Variants in MCF2L2 observed in about 807,000 individuals in gnomAD.
MCF2L2 encodes MCF.2 cell line derived transforming sequence-like 2, also known as probable guanine nucleotide exchange factor MCF2L2.
In MCF2L2, 102 loss-of-function variants were observed where a neutral mutation model predicts 150.2. The ratio of observed to expected loss-of-function variants is 0.68; its 90% CI spans 0.58 to 0.80. MCF2L2 has a LOEUF of 0.80. Among genes scored for constraint, MCF2L2 ranks in the 30% least tolerant of loss-of-function variants. The probability of loss-of-function intolerance (pLI) is 0.00; values close to 1 mark genes in which losing one functional copy is unlikely to be tolerated. For missense variants in MCF2L2, 1,256 were observed against 1,372.8 expected (o/e 0.91, Z 1.34); for synonymous variants, 465 against 491.3 (o/e 0.95, Z 0.71).
chr3:183,319,407 T>A (rs1008930816), intron 6 of MCF2L2, among the ~76,000 whole-genome samples: 1 of 152,230 alleles, frequency 6.6e-6, no homozygotes, highest in Non-Finnish European at 1.5e-5. Context: ...GGAATCAGCT[T>A]CTCTCAAACT....
intron 11 of MCF2L2, chr3:183,298,765 G>GTGCGCGCGCGTGCGCGCGCGCACACACA (rs1553776981): frequency 7.2e-6 from 1 of 138,500 alleles, no homozygotes; most frequent in African/African-American, 2.9e-5. Context: ...AAACACACAT[G>GTGCGCGCGCGTGCGCGCGCGCACACACA]CACACACACA....
At chr3:183,363,797 C>A (rs139889776) in intron 3 of MCF2L2, among the ~76,000 whole-genome samples, 2 of 149,766 alleles carry the variant, frequency 1.3e-5, no homozygotes, top group African/African-American at 4.9e-5. Context: ...AGCAAAGAGA[C>A]AATATATCAG....
intron 2 of MCF2L2, 44 bp downstream of exon 2, chr3:183,389,652 C>A (rs1207974461): frequency 2.7e-6 from 4 of 1,497,850 alleles, no homozygotes; most frequent in African/African-American, 1.5e-5. Flanking sequence ...CCCATCAAGA[C>A]CCCCCCATCA....
At chr3:183,297,543 G>GTCTA (rs1468865930) in intron 11 of MCF2L2, 2 of 177,758 alleles carry the variant, frequency 1.1e-5, no homozygotes, top group Non-Finnish European at 2.4e-5. Context: ...GCCTGGAGAG[G>GTCTA]TCTACCCCAG....
At chr3:183,427,832 C>T in intron 1 of MCF2L2, 70 bp downstream of exon 1, 2 of 1,348,466 alleles carry the variant, frequency 1.5e-6, no homozygotes, top group Non-Finnish European at 2.1e-6. Flanking sequence ...AGGCCAGGAG[C>T]CAGATGAAGC....
At chr3:183,351,340 T>A (rs935626548) in intron 3 of MCF2L2, among the ~76,000 whole-genome samples, 10 of 150,722 alleles carry the variant, frequency 6.6e-5, no homozygotes, top group Non-Finnish European at 1.5e-4. Flanking sequence ...CATATCACTG[T>A]GCCAGGCTAG....
intron 10 of MCF2L2, among the ~76,000 whole-genome samples, chr3:183,309,458 G>T (rs965911441): frequency 6.6e-6 from 1 of 152,108 alleles, no homozygotes; most frequent in African/African-American, 2.4e-5. Flanking sequence ...AGAGGGCAGG[G>T]CTGGTCCAGA....
In MCF2L2 at chr3:183,323,624, A is replaced by C. The variant is rs73070009; in HGVS notation, c.487-273T>G. Among the ~76,000 whole-genome samples, 1 of 150,848 alleles carries C rather than the reference A, an allele frequency of 6.6e-6. No individual in the cohort carries two copies. The highest frequency in any genetic ancestry group is 2.4e-5 in the African/African-American group (1 of 40,996). On this transcript the variant is annotated intron_variant, in intron 5 of 29. Transcript: ENST00000328913. The stretch of plus-strand genomic sequence containing the variant: ...CAGAGCAACATAGCAAGACCCCATC[A>C]CTAGAAAAAAAATAAAAAAAAAAAT...
chr3:183,330,592 CCACGCATTTGT>C (rs1222876786), intron 5 of MCF2L2, among the ~76,000 whole-genome samples: 1 of 152,074 alleles, frequency 6.6e-6, no homozygotes, highest in Non-Finnish European at 1.5e-5. Context: ...CTGGATAACA[CCACGCATTTGT>C]CAAACTTCAT....
intron 27 of MCF2L2, 87 bp from the exon 28 acceptor site, chr3:183,180,246 G>T (rs1391329972): frequency 2.4e-6 from 2 of 833,150 alleles, no homozygotes; most frequent in Non-Finnish European, 4.1e-6. Flanking sequence ...GGCAGTGCCT[G>T]TTGCAGGCAC....
intron 2 of MCF2L2, among the ~76,000 whole-genome samples, chr3:183,387,850 C>T (rs6808726): frequency 0.79 from 119,401 of 150,638 alleles, 49,624 homozygotes; most frequent in Non-Finnish European, 0.91. Context: ...GATAATCACT[C>T]GAACCTGGGA....
chr3:183,312,030 A>G (rs1160667855), intron 7 of MCF2L2, among the ~76,000 whole-genome samples: 5 of 152,352 alleles, frequency 3.3e-5, no homozygotes, highest in Middle Eastern at 3.4e-3. Context: ...TGCTTTTTGT[A>G]TATCTCAAGC....
chr3:183,290,307 C>T (rs1372142196), intron 13 of MCF2L2, among the ~76,000 whole-genome samples: 2 of 152,198 alleles, frequency 1.3e-5, no homozygotes, highest in Non-Finnish European at 2.9e-5. Flanking sequence ...TCTTCAAGCT[C>T]CATGGCCATT....
intron 1 of MCF2L2, among the ~76,000 whole-genome samples, chr3:183,393,749 T>C (rs1012521422): frequency 8.5e-5 from 13 of 152,220 alleles, no homozygotes; most frequent in East Asian, 1.9e-4. Flanking sequence ...GGAATTCCAC[T>C]GCAGGCAGCA....
chr3:183,184,717 C>T (rs543283310), intron 27 of MCF2L2, among the ~76,000 whole-genome samples: 1 of 152,232 alleles, frequency 6.6e-6, no homozygotes, highest in South Asian at 2.1e-4. Context: ...TTATTCTCAC[C>T]AGCATACATA....
intron 10 of MCF2L2, among the ~76,000 whole-genome samples, chr3:183,303,811 A>C (rs1728971575): frequency 6.6e-6 from 1 of 152,086 alleles, no homozygotes; most frequent in South Asian, 2.1e-4. Flanking sequence ...CCAAGCTTCA[A>C]GCCCTTTCCT....
At chr3:183,401,406 G>A (rs780878285) in intron 1 of MCF2L2, among the ~76,000 whole-genome samples, 2 of 152,004 alleles carry the variant, frequency 1.3e-5, no homozygotes, top group Admixed American at 6.6e-5. Flanking sequence ...ACAAGAAACT[G>A]GAAGACTTTT....
chr3:183,303,375 G>A (rs953593846), intron 10 of MCF2L2, among the ~76,000 whole-genome samples: 1 of 152,096 alleles, frequency 6.6e-6, no homozygotes, highest in East Asian at 1.9e-4. Flanking sequence ...ACAGATGACT[G>A]CCACATTCCA....
intron 5 of MCF2L2, among the ~76,000 whole-genome samples, chr3:183,335,730 T>C (rs4859167): frequency 0.26 from 39,375 of 151,842 alleles, 7,336 homozygotes; most frequent in African/African-American, 0.53. Flanking sequence ...CAGCCAGGCA[T>C]GGTGGTGTGT....
Sources: allele counts gnomAD v4.1 joint callset (sites outside exome capture counted in the v4.1 genomes callset), GRCh38; gene constraint gnomAD v4.1.1; transcripts MANE v1.5; gene names NCBI Gene and HGNC (gene_info 2026-07-23, HGNC 2026-07-21).